Variants in ATP9B observed in about 807,000 individuals in gnomAD.
ATP9B encodes probable phospholipid-transporting ATPase IIB.
ATP9B carries 110 observed loss-of-function variants against 146.1 expected under a neutral mutation model. The ratio of observed to expected loss-of-function variants is 0.75; its 90% CI spans 0.65 to 0.88. ATP9B has a LOEUF of 0.88. Ranked by LOEUF, ATP9B falls within the 40% of genes least tolerant of loss-of-function variation. The pLI is 0.00. For missense variants in ATP9B, 1,499 were observed against 1,496.4 expected, an observed-to-expected ratio of 1.00 and a Z score of -0.03; for synonymous variants, 604 against 569.7, an observed-to-expected ratio of 1.06 and a Z score of -0.86.
intron 11 of ATP9B, among the ~76,000 whole-genome samples, chr18:79,247,035 T>C (rs1183087518): frequency 1.3e-5 from 2 of 152,232 alleles, no homozygotes; most frequent in African/African-American, 2.4e-5. Context: ...TTGCATGTTA[T>C]CACATGCATA....
chr18:79,344,853 A>G (rs1023270776), intron 21 of ATP9B, among the ~76,000 whole-genome samples: 1 of 152,206 alleles, frequency 6.6e-6, no homozygotes, highest in South Asian at 2.1e-4. Context: ...TCCATGTTGC[A>G]TCCGCTGGAG....
chr18:79,108,297 C>G (rs2075787248), intron 2 of ATP9B, among the ~76,000 whole-genome samples: 1 of 152,096 alleles, frequency 6.6e-6, no homozygotes, highest in Admixed American at 6.5e-5. Context: ...TTATTTGAAG[C>G]CTTATTTAAT....
chr18:79,359,238 T>C lies in ATP9B; in HGVS notation c.2904-116T>C, dbSNP rs921610714. ...CTTGGTTGCCAACTTACTTTGTTGG[T>C]TTTTGTGGAGTATTTTTTGGTGTTT... On this transcript the variant is annotated intron_variant, in intron 25 of 29. Coordinates refer to ENST00000426216, the MANE Select transcript of ATP9B (RefSeq NM_198531.5). The C allele has an allele frequency of 8.4e-6, 6 of 717,920 alleles. No individual in the cohort carries two copies. In the African/African-American group the frequency reaches 8.9e-5, roughly 11 times the overall value. 44.5% of individuals were successfully genotyped at this position (717,920 alleles called of 1,614,324 possible).
At chr18:79,117,277 T>C (rs1258890300) in intron 4 of ATP9B, 1 of 152,192 alleles carries the variant, frequency 6.6e-6, no homozygotes, top group Non-Finnish European at 1.5e-5. Flanking sequence ...CAAATCCTGT[T>C]CTAATAGAAC....
chr18:79,091,863 A>T (rs891715533), intron 1 of ATP9B, among the ~76,000 whole-genome samples: 1 of 152,128 alleles, frequency 6.6e-6, no homozygotes, highest in Non-Finnish European at 1.5e-5. Context: ...TTCAGTTGCT[A>T]TTGTGGATTT....
chr18:79,376,442 T>G, intron 29 of ATP9B: 4 of 973,554 alleles, frequency 4.1e-6, no homozygotes, highest in Non-Finnish European at 4.9e-6. Context: ...CAGGCTGAAG[T>G]GCAGTGGCAC....
At chr18:79,154,771 A>T (rs183771755) in intron 7 of ATP9B, among the ~76,000 whole-genome samples, 8 of 152,374 alleles carry the variant, frequency 5.3e-5, no homozygotes, top group Admixed American at 2.0e-4. Flanking sequence ...TACAAAGTAA[A>T]AACACATGCT....
At chr18:79,123,678 A>G (rs2094229171) in intron 4 of ATP9B, among the ~76,000 whole-genome samples, 1 of 152,230 alleles carries the variant, frequency 6.6e-6, no homozygotes, top group Non-Finnish European at 1.5e-5. Flanking sequence ...CAAACTTATT[A>G]CAAACTGCAT....
At chr18:79,078,540 T>G (rs2072882720) in intron 1 of ATP9B, among the ~76,000 whole-genome samples, 2 of 151,056 alleles carry the variant, frequency 1.3e-5, no homozygotes, top group Admixed American at 1.3e-4. Context: ...TTTACATTTT[T>G]TCTTTTTTCT....
chr18:79,095,751 G>A (rs977798640), intron 1 of ATP9B: 1 of 152,078 alleles, frequency 6.6e-6, no homozygotes, highest in African/African-American at 2.4e-5. Flanking sequence ...CTGACAAATT[G>A]TTCTCAAAAA....
intron 11 of ATP9B, among the ~76,000 whole-genome samples, chr18:79,240,612 G>T (rs546898234): frequency 1.3e-5 from 2 of 152,180 alleles, no homozygotes; most frequent in African/African-American, 2.4e-5. Context: ...GGGTGTGGTG[G>T]TGCATGCCTG....
intron 13 of ATP9B, among the ~76,000 whole-genome samples, chr18:79,286,262 C>T (rs996048943): frequency 7.2e-5 from 11 of 152,030 alleles, no homozygotes; most frequent in African/African-American, 2.7e-4. Flanking sequence ...ATGGAATGTT[C>T]TTCCATTTGT....
At chr18:79,249,416 G>A (rs1213032789) in intron 11 of ATP9B, among the ~76,000 whole-genome samples, 3 of 152,140 alleles carry the variant, frequency 2.0e-5, no homozygotes, top group South Asian at 4.1e-4. Context: ...ATTATGACAA[G>A]TAGAAGAAAA....
At chr18:79,104,179 G>C (rs531826595) in intron 2 of ATP9B, among the ~76,000 whole-genome samples, 120 of 152,270 alleles carry the variant, frequency 7.9e-4, no homozygotes, top group African/African-American at 2.6e-3. Flanking sequence ...GCAAATGCCT[G>C]GTCTCCCCAT....
intron 13 of ATP9B, among the ~76,000 whole-genome samples, chr18:79,285,711 G>T (rs1409681966): frequency 6.6e-6 from 1 of 152,186 alleles, no homozygotes; most frequent in East Asian, 1.9e-4. Context: ...GCCCTGAATG[G>T]TAATGCCTAG....
chr18:79,088,055 T>C (rs2146623539), intron 1 of ATP9B, among the ~76,000 whole-genome samples: 1 of 152,354 alleles, frequency 6.6e-6, no homozygotes, highest in Middle Eastern at 3.4e-3. Context: ...ATCTTATTGT[T>C]TTTAAATACT....
At chr18:79,336,762 G>A (rs368741682) in intron 18 of ATP9B, 51 bp downstream of exon 18, 335 of 1,553,014 alleles carry the variant, frequency 2.2e-4, no homozygotes, top group Non-Finnish European at 2.8e-4. Flanking sequence ...CCTTCCTTAC[G>A]CTGAAATTAG....
At chr18:79,335,109 T>TC (rs77852143) in intron 17 of ATP9B, among the ~76,000 whole-genome samples, 20,979 of 152,226 alleles carry the variant, frequency 0.14, 1,560 homozygotes, top group East Asian at 0.18. Flanking sequence ...AGCGCAGAGT[T>TC]CCAGAAGTGG....
intron 10 of ATP9B, chr18:79,209,550 C>T: frequency 1.8e-6 from 1 of 549,664 alleles, no homozygotes; most frequent in Non-Finnish European, 2.3e-6. Flanking sequence ...GACCTCAGTT[C>T]TCTTGATGAC....
Sources: gnomAD v4.1 joint callset for allele counts (sites outside exome capture counted in the v4.1 genomes callset) on GRCh38, gnomAD v4.1.1 for gene constraint, MANE v1.5 for transcripts, NCBI Gene and HGNC (gene_info 2026-07-23, HGNC 2026-07-21) for gene names.